SPECC1: variants seen among roughly 807,000 people sequenced by gnomAD.
SPECC1 encodes the protein sperm antigen with calponin homology and coiled-coil domains 1.
Under a neutral mutation model 104.1 loss-of-function variants are expected in SPECC1, and 62 were observed. That is an observed-to-expected ratio of 0.60 (90% CI 0.49 to 0.74). SPECC1 has a LOEUF of 0.74. Among genes scored for constraint, SPECC1 ranks in the 30% least tolerant of loss-of-function variants. SPECC1 has a pLI of 0.00. For synonymous variants in SPECC1, 513 were observed against 501.6 expected, an observed-to-expected ratio of 1.02 and a Z score of -0.30; for missense variants, 1,306 against 1,310.5, an observed-to-expected ratio of 1.00 and a Z score of 0.05.
intron 4 of SPECC1, among the ~76,000 whole-genome samples, chr17:20,213,089 ATTCTTTTTTTTCTT>A (rs2037262042): frequency 6.6e-6 from 1 of 151,842 alleles, no homozygotes; most frequent in Non-Finnish European, 1.5e-5. Context: ...TAGAGCTCTT[ATTCTTTTTTTTCTT>A]TTCTTTTTTT....
chr17:20,205,134 C>A lies in SPECC1; in HGVS notation c.1085C>A (p.Pro362Gln). The A allele has an allele frequency of 1.2e-6, 2 of 1,614,078 alleles. No individual in the cohort carries two copies. The highest frequency in any genetic ancestry group is 1.7e-6 in the Non-Finnish European group (2 of 1,180,024). Residue 362 changes from proline to glutamine, a missense_variant, in exon 4 of 15, where the codon CCA (proline) becomes CAA (glutamine). This residue lies in a region of SPECC1 where 1,177 missense variants were observed against 1,139.9 expected (regional missense o/e 1.03). Transcript: ENST00000395527. The stretch of plus-strand genomic sequence containing the variant: ...AAGTGTTCTACTGCTGGGAGTTCCC[C>A]AAACAGCGTAAGTGAATTGTCCCTG... ...SSKCSTAGSS[P>Q]NSVSELSLAS...
chr17:20,164,374 C>T (rs1482977212), intron 3 of SPECC1, among the ~76,000 whole-genome samples: 1 of 151,824 alleles, frequency 6.6e-6, no homozygotes, highest in Non-Finnish European at 1.5e-5. Flanking sequence ...ACTGTGTTGC[C>T]CAGGCTAGTC....
intron 14 of SPECC1, among the ~76,000 whole-genome samples, chr17:20,307,785 T>A (rs1282430454): frequency 1.3e-5 from 2 of 152,106 alleles, no homozygotes; most frequent in Non-Finnish European, 2.9e-5. Flanking sequence ...TTTGAAGATA[T>A]GATGCCTGAA....
chr17:20,059,038 C>T (rs1001193022), intron 1 of SPECC1, among the ~76,000 whole-genome samples: 1 of 151,428 alleles, frequency 6.6e-6, no homozygotes, highest in Non-Finnish European at 1.5e-5. Context: ...GACGGGGTTT[C>T]ACCGTTTTAG....
chr17:20,208,070 AC>A (rs1338885523), intron 4 of SPECC1, among the ~76,000 whole-genome samples: 5 of 152,246 alleles, frequency 3.3e-5, no homozygotes, highest in Non-Finnish European at 7.3e-5. Context: ...TCTGGAATAA[AC>A]TAAATGTAAT....
chr17:20,132,986 G>T (rs1290629546), intron 3 of SPECC1, among the ~76,000 whole-genome samples: 1 of 152,032 alleles, frequency 6.6e-6, no homozygotes, highest in Admixed American at 6.6e-5. Flanking sequence ...TGATCCTGCC[G>T]CCTCGGCCTC....
intron 2 of SPECC1, among the ~76,000 whole-genome samples, chr17:20,105,410 A>G (rs779993272): frequency 2.2e-4 from 34 of 152,132 alleles, no homozygotes; most frequent in Non-Finnish European, 4.6e-4. Context: ...TGGGTCATAT[A>G]GGTAGGAAGA....
At chr17:20,079,942 T>G (rs771024596) in intron 1 of SPECC1, among the ~76,000 whole-genome samples, 4 of 152,124 alleles carry the variant, frequency 2.6e-5, no homozygotes, top group Non-Finnish European at 5.9e-5. Flanking sequence ...TTCCATCCCT[T>G]TCTCCGCACC....
At chr17:20,116,803 C>CTTTT (rs58127201) in intron 3 of SPECC1, among the ~76,000 whole-genome samples, 1,825 of 50,390 alleles carry the variant, frequency 0.036, 497 homozygotes, top group Non-Finnish European at 0.054. Context: ...TGTCTGGAGA[C>CTTTT]TTTTTTTTTT....
chr17:20,212,905 T>G (rs2037248680), intron 4 of SPECC1, among the ~76,000 whole-genome samples: 3 of 152,200 alleles, frequency 2.0e-5, no homozygotes, highest in Admixed American at 2.0e-4. Flanking sequence ...TTTTGGGCTA[T>G]TTGTATGTGC....
intron 2 of SPECC1, among the ~76,000 whole-genome samples, chr17:20,107,440 CTCT>C (rs2048277625): frequency 6.7e-6 from 1 of 149,788 alleles, no homozygotes; most frequent in Admixed American, 6.6e-5. Flanking sequence ...GAGATCCTGT[CTCT>C]TCTTTTCTTT....
chr17:20,162,984 C>G (rs2033307646), intron 3 of SPECC1, among the ~76,000 whole-genome samples: 1 of 152,172 alleles, frequency 6.6e-6, no homozygotes, highest in South Asian at 2.1e-4. Context: ...GCCAAGATTG[C>G]ACCATTGCAC....
At chr17:20,234,442 G>A (rs1361078830) in intron 7 of SPECC1, among the ~76,000 whole-genome samples, 1 of 152,202 alleles carries the variant, frequency 6.6e-6, no homozygotes, top group Non-Finnish European at 1.5e-5. Context: ...CTATATGGCA[G>A]TTAGTTGCTG....
intron 12 of SPECC1, among the ~76,000 whole-genome samples, chr17:20,293,401 CCT>C (rs1307175966): frequency 6.6e-6 from 1 of 152,172 alleles, no homozygotes; most frequent in Non-Finnish European, 1.5e-5. Flanking sequence ...CTTCATCCTG[CCT>C]CTCCTTTTCA....
At chr17:20,222,132 G>C (rs2037919501) in intron 4 of SPECC1, among the ~76,000 whole-genome samples, 1 of 151,632 alleles carries the variant, frequency 6.6e-6, no homozygotes, top group African/African-American at 2.4e-5. Flanking sequence ...TCAGGAGTTT[G>C]AGACCAGCCT....
chr17:20,054,157 C>T (rs1024132525), intron 1 of SPECC1, among the ~76,000 whole-genome samples: 5 of 152,146 alleles, frequency 3.3e-5, no homozygotes, highest in African/African-American at 1.2e-4. Flanking sequence ...TTAATCTATT[C>T]CCCATACTGC....
At chr17:20,281,358 C>T (rs926682126) in intron 12 of SPECC1, among the ~76,000 whole-genome samples, 4 of 152,206 alleles carry the variant, frequency 2.6e-5, no homozygotes, top group Non-Finnish European at 4.4e-5. Context: ...TGCAGTGGCT[C>T]GCCCTTTCCT....
At chr17:20,162,010 G>C (rs1458973782) in intron 3 of SPECC1, among the ~76,000 whole-genome samples, 3 of 151,966 alleles carry the variant, frequency 2.0e-5, no homozygotes, top group Non-Finnish European at 4.4e-5. Flanking sequence ...GGCCAGGCTG[G>C]TCTCCAATTC....
At chr17:20,114,482 G>T (rs377205690) in intron 3 of SPECC1, among the ~76,000 whole-genome samples, 1 of 150,796 alleles carries the variant, frequency 6.6e-6, no homozygotes, top group Non-Finnish European at 1.5e-5. Context: ...GAGTCATGGC[G>T]CCCAGCCTGT....
Sources: gnomAD v4.1 joint callset for allele counts (sites outside exome capture counted in the v4.1 genomes callset) on GRCh38, gnomAD v4.1.1 for gene constraint, gnomAD v4.1.1 regional missense constraint, MANE v1.5 for transcripts, NCBI Gene and HGNC (gene_info 2026-07-23, HGNC 2026-07-21) for gene names.